The following KDM5B variants were observed in gnomAD, a reference collection of about 807,000 sequenced individuals.
The protein encoded by KDM5B is lysine-specific demethylase 5B.
A neutral mutation model predicts 193.4 loss-of-function variants in KDM5B; 144 were observed. The ratio of observed to expected loss-of-function variants is 0.74; its 90% confidence interval spans 0.65 to 0.86. KDM5B has a LOEUF of 0.86. Among genes scored for constraint, KDM5B ranks in the 40% least tolerant of loss-of-function variants. The pLI is 0.00. For synonymous variants in KDM5B, 668 were observed against 682.6 expected (o/e 0.98, Z 0.33); for missense variants, 1,833 against 1,886.9 (o/e 0.97, Z 0.53).
rs1656989149 is a variant in KDM5B at position 202,777,114 on chromosome 1, C to CT, written c.205-21dup. The CT allele has an allele frequency of 6.3e-7, 1 of 1,580,314 alleles. No individual in the cohort carries two copies. Among genetic ancestry groups the CT allele is most frequent in the East Asian group, 2.2e-5 (1 of 44,634 alleles). On this transcript the variant is annotated intron_variant, in intron 1 of 26. Coordinates refer to ENST00000367265, the MANE Select transcript of KDM5B (RefSeq NM_006618.5). ...CCAATCCTAGGAGAAAGCAAAGGCT[C>CT]TTATTAGAATAACTTATAAGCATTT...
At chr1:202,740,892 TCAAAGGAA>T (rs1655310933) in intron 19 of KDM5B, 80 bp from the exon 20 acceptor site, 7 of 1,413,304 alleles carry the variant, frequency 5.0e-6, no homozygotes, top group Non-Finnish European at 6.8e-6. Context: ...AACTAGCATT[TCAAAGGAA>T]ATTCAGTATG....
Position 202,764,034 on chromosome 1 carries a change from G to A in KDM5B, c.808+15C>T. ...ATTTACTTTTTCTTTCCTATTCATT[G>A]ACAAATTTTCTTACCATTTTCACAT... On this transcript the variant is annotated intron_variant, in intron 6 of 26. Coordinates refer to ENST00000367265, the MANE Select transcript of KDM5B (RefSeq NM_006618.5). The A allele has an allele frequency of 4.4e-6, 6 of 1,368,946 alleles. No homozygotes were observed. Among genetic ancestry groups the A allele is most frequent in the Non-Finnish European group, 6.1e-6 (6 of 978,794 alleles). 84.8% of individuals were successfully genotyped at this position (1,368,946 alleles called of 1,614,324 possible).
rs1190313641 is a variant in KDM5B at position 202,729,475 on chromosome 1, C to T, written c.4497+232G>A. 4 of 592,054 alleles carry T rather than the reference C, an allele frequency of 6.8e-6. No homozygotes were observed. The East Asian group carries it at 1.1e-4, about 17-fold the overall frequency. 36.7% of individuals were successfully genotyped at this position (592,054 alleles called of 1,614,324 possible). ...CTTCTTAGCGCCGGGAAGGTGAAAG[C>T]TGGAAGAGCAAGAAAAGGAAAAAGG... is the stretch of plus-strand genomic sequence containing the variant. On this transcript the variant is annotated intron_variant, in intron 26 of 26. Transcript: ENST00000367265.
At chr1:202,749,266 C>T in intron 13 of KDM5B, 127 bp from the exon 14 acceptor site, 1 of 803,242 alleles carries the variant, frequency 1.2e-6, no homozygotes, top group Non-Finnish European at 1.9e-6. Context: ...TTTACCAACC[C>T]TAAAACCAGA....
intron 24 of KDM5B, 43 bp downstream of exon 24, chr1:202,731,785 A>G (rs1463283231): frequency 3.1e-6 from 4 of 1,292,180 alleles, no homozygotes; most frequent in Non-Finnish European, 4.5e-6. Context: ...ATACAAGATC[A>G]CTCATTACTA....
At chr1:202,798,199 C>CA (rs1412192839) in intron 1 of KDM5B, among the ~76,000 whole-genome samples, 3 of 149,482 alleles carry the variant, frequency 2.0e-5, no homozygotes, top group Non-Finnish European at 3.0e-5. Context: ...GACCCTGTCT[C>CA]AAAAAAAATA....
intron 1 of KDM5B, 93 bp downstream of exon 1, chr1:202,808,008 TC>T: frequency 1.6e-6 from 2 of 1,286,678 alleles, no homozygotes; most frequent in South Asian, 1.6e-5. Flanking sequence ...GGCGACCGGC[TC>T]CCCGCCCCCC....
intron 25 of KDM5B, 123 bp from the exon 26 acceptor site, chr1:202,730,150 T>C (rs756907963): frequency 4.6e-6 from 4 of 864,158 alleles, no homozygotes; most frequent in African/African-American, 3.4e-5. Context: ...GGGAAAAAAA[T>C]ACTGCATCTT....
chr1:202,797,949 G>A (rs923919025), intron 1 of KDM5B, among the ~76,000 whole-genome samples: 3 of 152,248 alleles, frequency 2.0e-5, no homozygotes, highest in African/African-American at 7.2e-5. Flanking sequence ...CCAGCACTCT[G>A]GGAGGCCTAG....
At chr1:202,803,377 G>GTC (rs1658153940) in intron 1 of KDM5B, among the ~76,000 whole-genome samples, 1 of 152,072 alleles carries the variant, frequency 6.6e-6, no homozygotes, top group Non-Finnish European at 1.5e-5. Flanking sequence ...CATTCTTAAA[G>GTC]TCTACACGTT....
chr1:202,745,365 AAG>A (rs1031950235), intron 16 of KDM5B, among the ~76,000 whole-genome samples: 3 of 152,138 alleles, frequency 2.0e-5, no homozygotes, highest in African/African-American at 7.2e-5. Flanking sequence ...CATAAGAAAA[AAG>A]AGAGAGAGAG....
At position 202,728,257 on chromosome 1, in the gene KDM5B, C is replaced by T. The variant is rs957142550; in HGVS notation, c.*779G>A. On this transcript the variant is annotated 3_prime_UTR_variant, in exon 27 of 27. Transcript: ENST00000367265. The stretch of plus-strand genomic sequence containing the variant: ...AAACTGTAACATTTGATACAAGCTA[C>T]CAAAAAATAGGGGAGAAAGGAAGGG... 6.6e-6 allele frequency: 1 copy of T among 152,392 alleles called. No homozygotes were observed. The highest frequency in any genetic ancestry group is 1.5e-5 in the Non-Finnish European group (1 of 68,024). 9.4% of individuals were successfully genotyped at this position (152,392 alleles called of 1,614,324 possible).
At chr1:202,800,864 C>A (rs1287246923) in intron 1 of KDM5B, among the ~76,000 whole-genome samples, 1 of 152,232 alleles carries the variant, frequency 6.6e-6, no homozygotes, top group African/African-American at 2.4e-5. Flanking sequence ...TGCAGCTGGT[C>A]AAGTTACTTG....
At chr1:202,780,482 G>A (rs112107263) in intron 1 of KDM5B, among the ~76,000 whole-genome samples, 2 of 152,070 alleles carry the variant, frequency 1.3e-5, no homozygotes, top group African/African-American at 2.4e-5. Flanking sequence ...GAGCCACTGC[G>A]CCTGGCCATG....
At chr1:202,791,161 CTTTA>C (rs1027412073) in intron 1 of KDM5B, among the ~76,000 whole-genome samples, 10 of 152,252 alleles carry the variant, frequency 6.6e-5, no homozygotes, top group African/African-American at 2.4e-4. Context: ...TTATCAAATG[CTTTA>C]TTTCTTTCAA....
At chr1:202,741,843 G>A (rs1655356039) in intron 18 of KDM5B, 121 bp from the exon 19 acceptor site, 16 of 631,538 alleles carry the variant, frequency 2.5e-5, no homozygotes, top group South Asian at 6.1e-5. Context: ...AATAATATAG[G>A]TAAATAAGAT....
chr1:202,733,292 C>T, intron 23 of KDM5B, 109 bp downstream of exon 23: 1 of 1,265,844 alleles, frequency 7.9e-7, no homozygotes, highest in Non-Finnish European at 1.1e-6. Context: ...GTGCTGTTAA[C>T]AGTAAAGTGA....
At chr1:202,775,996 A>C (rs1656941461) in intron 2 of KDM5B, 1 of 150,880 alleles carries the variant, frequency 6.6e-6, no homozygotes. Context: ...TTGGGAGGCC[A>C]AGGCAGGCAG....
intron 16 of KDM5B, among the ~76,000 whole-genome samples, chr1:202,745,501 G>A (rs984770799): frequency 6.6e-6 from 1 of 151,968 alleles, no homozygotes; most frequent in Non-Finnish European, 1.5e-5. Context: ...TGCTGCCTTT[G>A]TCACAAGATG....
Sources: gnomAD v4.1 joint callset for allele counts (sites outside exome capture counted in the v4.1 genomes callset) on GRCh38, gnomAD v4.1.1 for gene constraint, MANE v1.5 for transcripts, NCBI Gene and HGNC (gene_info 2026-07-23, HGNC 2026-07-21) for gene names.